CHCHD3: variants seen among roughly 807,000 people sequenced by gnomAD.
CHCHD3 encodes coiled-coil-helix-coiled-coil-helix domain containing 3.
A neutral mutation model predicts 38.2 loss-of-function variants in CHCHD3; 20 were observed. The ratio of observed to expected loss-of-function variants is 0.52; its 90% CI spans 0.37 to 0.76. The LOEUF (loss-of-function observed/expected upper bound fraction) is 0.76, where lower values mean the gene tolerates loss of function less well. CHCHD3 is among the 30% of genes least tolerant of loss of function. The pLI, the probability that CHCHD3 is intolerant of heterozygous loss-of-function variation, is 0.00. For missense variants in CHCHD3, 245 were observed against 279.2 expected (o/e 0.88, Z 0.87); for synonymous variants, 82 against 100.0 (o/e 0.82, Z 1.07).
At chr7:132,936,939 CAG>C (rs1810646406) in intron 4 of CHCHD3, among the ~76,000 whole-genome samples, 1 of 152,150 alleles carries the variant, frequency 6.6e-6, no homozygotes, top group Non-Finnish European at 1.5e-5. Flanking sequence ...TCAGGCATAG[CAG>C]AGTTACTGAT....
At chr7:132,937,715 T>A (rs1043463760) in intron 4 of CHCHD3, among the ~76,000 whole-genome samples, 1 of 152,198 alleles carries the variant, frequency 6.6e-6, no homozygotes, top group African/African-American at 2.4e-5. Flanking sequence ...TCAGAAAATC[T>A]TACACTTAGG....
intron 4 of CHCHD3, among the ~76,000 whole-genome samples, chr7:132,961,551 A>C (rs556859047): frequency 6.6e-6 from 1 of 152,334 alleles, no homozygotes; most frequent in Non-Finnish European, 1.5e-5. Context: ...TGACTACCAC[A>C]ATCAAGTTAA....
Position 133,035,101 on chromosome 7 carries a change from G to A in CHCHD3, c.170-10474C>T, listed in dbSNP as rs1452818978. 3.7e-6 allele frequency: 6 copies of A among 1,613,568 alleles called. No homozygotes were observed. In the South Asian group the frequency reaches 6.6e-5, roughly 18 times the overall value. On this transcript the variant is annotated intron_variant, in intron 2 of 7. Coordinates refer to ENST00000262570, the MANE Select transcript of CHCHD3 (RefSeq NM_017812.4). This position sits in a 1 kb window ranked among gnomAD's most constrained non-coding sequence, Gnocchi z 4.7. ...TGAGCGAAGGGGTCCTTGGCCTTGGGCTCAGCAGCCAGCGCCTGCTCACAT... is the reference window on the plus strand; with the variant it reads ...TGAGCGAAGGGGTCCTTGGCCTTGGACTCAGCAGCCAGCGCCTGCTCACAT...
chr7:133,004,835 ATG>A (rs1349347360), intron 3 of CHCHD3, among the ~76,000 whole-genome samples: 1 of 152,174 alleles, frequency 6.6e-6, no homozygotes, highest in Non-Finnish European at 1.5e-5. Context: ...ACTGAAAAAA[ATG>A]TGTGTTTGGG....
chr7:132,926,577 G>A (rs1297557032), intron 4 of CHCHD3, among the ~76,000 whole-genome samples: 7 of 152,090 alleles, frequency 4.6e-5, no homozygotes, highest in Non-Finnish European at 7.4e-5. Flanking sequence ...GTACATATTT[G>A]CATTCTGTAA....
chr7:133,045,933 T>G (rs1426332836), intron 2 of CHCHD3, among the ~76,000 whole-genome samples: 1 of 151,982 alleles, frequency 6.6e-6, no homozygotes, highest in African/African-American at 2.4e-5. Flanking sequence ...TCCCAAAGCC[T>G]CCCCAGAAGC....
chr7:133,010,152 A>T (rs1448726746), intron 3 of CHCHD3, among the ~76,000 whole-genome samples: 1 of 152,192 alleles, frequency 6.6e-6, no homozygotes, highest in Non-Finnish European at 1.5e-5. Flanking sequence ...GCCTGTTGTC[A>T]GGTCAAGGTA....
chr7:132,993,900 A>C (rs1170314810), intron 3 of CHCHD3, among the ~76,000 whole-genome samples: 2 of 152,190 alleles, frequency 1.3e-5, no homozygotes, highest in Non-Finnish European at 2.9e-5. Context: ...GCGAGACTGA[A>C]ATTGATAGCA....
intron 5 of CHCHD3, among the ~76,000 whole-genome samples, chr7:132,845,711 T>G (rs561800553): frequency 6.6e-6 from 1 of 152,324 alleles, no homozygotes; most frequent in African/African-American, 2.4e-5. Context: ...TCAAACTGAT[T>G]TGCTCATGGA....
chr7:132,867,718 T>C (rs1808667541), intron 5 of CHCHD3, among the ~76,000 whole-genome samples: 1 of 152,144 alleles, frequency 6.6e-6, no homozygotes, highest in South Asian at 2.1e-4. Flanking sequence ...AGTAAATGAA[T>C]GATGAGAAAG....
chr7:132,874,306 T>C (rs1380160311), intron 5 of CHCHD3, among the ~76,000 whole-genome samples: 1 of 152,206 alleles, frequency 6.6e-6, no homozygotes, highest in Non-Finnish European at 1.5e-5. Context: ...CTGACCATCA[T>C]CAAACTTATT....
intron 4 of CHCHD3, among the ~76,000 whole-genome samples, chr7:132,886,113 T>C (rs1809201975): frequency 6.6e-6 from 1 of 152,104 alleles, no homozygotes; most frequent in African/African-American, 2.4e-5. Flanking sequence ...TGGCTCTTTT[T>C]TGAACAAAAA....
intron 5 of CHCHD3, chr7:132,849,581 A>C (rs1425352941): frequency 6.6e-6 from 1 of 152,112 alleles, no homozygotes; most frequent in Non-Finnish European, 1.5e-5. Flanking sequence ...TGGAAACAAG[A>C]CTCTCACTGG....
In CHCHD3 at chr7:133,029,103, G is replaced by A. The variant is rs563361445; in HGVS notation, c.170-4476C>T. On this transcript the variant is annotated intron_variant, in intron 2 of 7. Transcript: ENST00000262570. ...TTCCTTATAAATTACCCAGTTTTAC[G>A]TATTCTGTTATAAGCAACAGAAAAG... Among the ~76,000 whole-genome samples the A allele has an allele frequency of 4.1e-4, 62 of 152,100 alleles. 1 individual carries two copies. Among genetic ancestry groups the A allele is most frequent in the South Asian group, 1.7e-3 (8 of 4,804 alleles).
chr7:132,909,338 A>G (rs1028512212), intron 4 of CHCHD3, among the ~76,000 whole-genome samples: 1 of 152,126 alleles, frequency 6.6e-6, no homozygotes, highest in Non-Finnish European at 1.5e-5. Context: ...TAATAAAAAC[A>G]CAAAAATTAG....
At chr7:132,896,103 T>C (rs950721768) in intron 4 of CHCHD3, among the ~76,000 whole-genome samples, 5 of 152,196 alleles carry the variant, frequency 3.3e-5, no homozygotes, top group African/African-American at 1.2e-4. Flanking sequence ...TTGGGTTGAA[T>C]TGCAAAGGCG....
intron 4 of CHCHD3, among the ~76,000 whole-genome samples, chr7:132,940,019 T>C (rs556511029): frequency 4.3e-4 from 66 of 152,064 alleles, no homozygotes; most frequent in Non-Finnish European, 6.8e-4. Context: ...AAGGCGTGAG[T>C]GATCGAAGGA....
At chr7:132,839,200 A>C (rs1807876957) in intron 5 of CHCHD3, among the ~76,000 whole-genome samples, 2 of 152,160 alleles carry the variant, frequency 1.3e-5, no homozygotes, top group African/African-American at 4.8e-5. Flanking sequence ...CTCAAAAAAA[A>C]AAAAAAGTTT....
chr7:133,007,546 T>G (rs1250153099), intron 3 of CHCHD3, among the ~76,000 whole-genome samples: 1 of 152,144 alleles, frequency 6.6e-6, no homozygotes, highest in Non-Finnish European at 1.5e-5. Context: ...GCACCAGCAG[T>G]GTGCAGAATG....
Sources: gnomAD v4.1 joint callset for allele counts (sites outside exome capture counted in the v4.1 genomes callset) on GRCh38, gnomAD v4.1.1 for gene constraint, Gnocchi (gnomAD v3.1) non-coding constraint, MANE v1.5 for transcripts, NCBI Gene and HGNC (gene_info 2026-07-23, HGNC 2026-07-21) for gene names.